The following DDAH1 variants were observed in gnomAD, a reference collection of about 807,000 sequenced individuals.
The protein encoded by DDAH1 is dimethylarginine dimethylaminohydrolase 1, also known as N(G),N(G)-dimethylarginine dimethylaminohydrolase 1.
In DDAH1, 19 loss-of-function variants were observed where a neutral mutation model predicts 28.8. The ratio of observed to expected loss-of-function variants is 0.66; its 90% CI spans 0.46 to 0.97. The LOEUF is 0.97. DDAH1 is among the 50% of genes least tolerant of loss of function. The pLI is 0.00. For synonymous variants in DDAH1, 153 were observed against 154.4 expected, an observed-to-expected ratio of 0.99 and a Z score of 0.07; for missense variants, 326 against 375.9, an observed-to-expected ratio of 0.87 and a Z score of 1.10.
intron 5 of DDAH1, among the ~76,000 whole-genome samples, chr1:85,322,661 T>C (rs768668798): frequency 9.9e-5 from 15 of 152,224 alleles, no homozygotes; most frequent in Non-Finnish European, 2.2e-4. Context: ...TTCTCTGTAA[T>C]ATTGGAATAG....
chr1:85,492,190 A>G (rs1407687477), intron 2 of DDAH1, among the ~76,000 whole-genome samples: 1 of 152,206 alleles, frequency 6.6e-6, no homozygotes, highest in African/African-American at 2.4e-5. Flanking sequence ...TGAATGTCCT[A>G]TGATGTCCTA....
In DDAH1 at chr1:85,385,996, T is replaced by G. The variant is rs547478657; in HGVS notation, c.304-27149A>C. Among the ~76,000 whole-genome samples the G allele has an allele frequency of 7.2e-5, 11 of 151,874 alleles. No individual in the cohort carries two copies. In the South Asian group the frequency reaches 2.3e-3, roughly 32 times the overall value. On this transcript the variant is annotated intron_variant, in intron 1 of 5. Coordinates refer to ENST00000284031, the MANE Select transcript of DDAH1 (RefSeq NM_012137.4). ...GCAGCTCTTGCAGGAACTAATAGAG[T>G]GAGAACTCACCCATTACCAGGAGGA...
rs1655262410 is a variant in DDAH1 at position 85,464,540 on chromosome 1, G to C, written c.303+203C>G. The C allele has an allele frequency of 6.5e-7, 1 of 1,529,922 alleles. No individual in the cohort carries two copies. Among genetic ancestry groups the C allele is most frequent in the East Asian group, 2.5e-5 (1 of 40,612 alleles). 94.8% of individuals were successfully genotyped at this position (1,529,922 alleles called of 1,614,324 possible). ...CACATTGAATCGGATCCTCCAGAAG[G>C]CTGCCGGCAGCCGGGAGGTGTGAAC... is the stretch of plus-strand genomic sequence containing the variant. On this transcript the variant is annotated intron_variant, in intron 1 of 5. Coordinates refer to ENST00000284031, the MANE Select transcript of DDAH1 (RefSeq NM_012137.4). This position sits in a 1 kb window ranked among gnomAD's most constrained non-coding sequence, Gnocchi z 4.4.
chr1:85,396,821 G>A (rs1346267465), intron 1 of DDAH1, among the ~76,000 whole-genome samples: 1 of 152,042 alleles, frequency 6.6e-6, no homozygotes, highest in African/African-American at 2.4e-5. Context: ...GATTGCTTGA[G>A]TCCGGGAGTT....
chr1:85,563,555 G>A (rs1557764525), intron 1 of DDAH1, among the ~76,000 whole-genome samples: 1 of 152,092 alleles, frequency 6.6e-6, no homozygotes, highest in African/African-American at 2.4e-5. Context: ...AAGTAACTGT[G>A]TTCCAAAACA....
intron 1 of DDAH1, among the ~76,000 whole-genome samples, chr1:85,427,945 G>A (rs969521427): frequency 5.9e-5 from 9 of 152,200 alleles, no homozygotes; most frequent in African/African-American, 2.2e-4. Flanking sequence ...ACAGGTGAGA[G>A]AAGTATAATC....
intron 1 of DDAH1, among the ~76,000 whole-genome samples, chr1:85,401,822 C>T (rs569826487): frequency 6.6e-6 from 1 of 151,918 alleles, no homozygotes; most frequent in Non-Finnish European, 1.5e-5. Context: ...CTTTTGAGCT[C>T]TTAAAATTCC....
chr1:85,464,441 C>T lies in DDAH1; in HGVS notation c.303+302G>A. The T allele has an allele frequency of 2.1e-6, 3 of 1,448,942 alleles. No individual in the cohort carries two copies. The highest frequency in any genetic ancestry group is 5.7e-5 in the East Asian group (2 of 35,132). The allele number at this position is 1,448,942 out of a possible 1,614,324, so 89.8% of individuals were successfully genotyped here. ...CTCAGAGTTGCACTGTCGTCGCTGC[C>T]GTTTAATTTTCACAAATAAAAATGC... On this transcript the variant is annotated intron_variant, in intron 1 of 5. Coordinates refer to ENST00000284031, the MANE Select transcript of DDAH1 (RefSeq NM_012137.4). This position sits in a 1 kb window ranked among gnomAD's most constrained non-coding sequence, Gnocchi z 4.4.
intron 1 of DDAH1, among the ~76,000 whole-genome samples, chr1:85,536,107 C>T (rs1490206945): frequency 6.6e-6 from 1 of 151,486 alleles, no homozygotes; most frequent in African/African-American, 2.4e-5. Flanking sequence ...CATGGTGGCA[C>T]GTGCCTGTAA....
chr1:85,464,606 A>ACACT lies in DDAH1; in HGVS notation c.303+136_303+137insAGTG. On this transcript the variant is annotated intron_variant, in intron 1 of 5. Coordinates refer to ENST00000284031, the MANE Select transcript of DDAH1 (RefSeq NM_012137.4). The surrounding 1 kb of genome is among the most constrained non-coding windows in gnomAD (Gnocchi z 4.4). ...GACTCTCTGACACACACACACACAC[A>ACACT]CACACTCGCCCCCCGACGGGAAGTT... is the stretch of plus-strand genomic sequence containing the variant. The ACACT allele has an allele frequency of 6.6e-7, 1 of 1,524,204 alleles. No individual in the cohort carries two copies. The highest frequency in any genetic ancestry group is 1.2e-5 in the South Asian group (1 of 82,618). 94.4% of individuals were successfully genotyped at this position (1,524,204 alleles called of 1,614,324 possible).
At chr1:85,328,023 A>G (rs1280468028) in intron 4 of DDAH1, among the ~76,000 whole-genome samples, 1 of 152,222 alleles carries the variant, frequency 6.6e-6, no homozygotes, top group African/African-American at 2.4e-5. Context: ...TGGGTAAACA[A>G]TTGAATTCCC....
At chr1:85,340,782 C>A (rs1181326532) in intron 4 of DDAH1, among the ~76,000 whole-genome samples, 1 of 152,114 alleles carries the variant, frequency 6.6e-6, no homozygotes, top group Non-Finnish European at 1.5e-5. Context: ...TCTGTGTTGT[C>A]CCCCACAGCC....
intron 4 of DDAH1, among the ~76,000 whole-genome samples, chr1:85,325,364 C>CGT (rs1167703180): frequency 3.3e-5 from 5 of 150,928 alleles, no homozygotes; most frequent in African/African-American, 4.8e-5. Flanking sequence ...TGCGCGCGCG[C>CGT]GCGCACACAC....
At chr1:85,557,486 C>T (rs1400163490) in intron 1 of DDAH1, among the ~76,000 whole-genome samples, 1 of 152,202 alleles carries the variant, frequency 6.6e-6, no homozygotes, top group East Asian at 1.9e-4. Flanking sequence ...TTGGACAGCT[C>T]TTAAGTGAGA....
intron 1 of DDAH1, among the ~76,000 whole-genome samples, chr1:85,559,098 G>A (rs1659069034): frequency 6.6e-6 from 1 of 152,100 alleles, no homozygotes; most frequent in African/African-American, 2.4e-5. Flanking sequence ...GTAATGAAAG[G>A]TATAAGAAAG....
intron 1 of DDAH1, among the ~76,000 whole-genome samples, chr1:85,505,040 C>G (rs1407984411): frequency 1.6e-5 from 2 of 125,868 alleles, no homozygotes; most frequent in Non-Finnish European, 3.1e-5. Context: ...GGCTGGAGTG[C>G]AATGGCGTGA....
chr1:85,503,566 T>TATCTATCC (rs1159412594), intron 1 of DDAH1, among the ~76,000 whole-genome samples: 37 of 146,516 alleles, frequency 2.5e-4, no homozygotes, highest in Middle Eastern at 7.1e-3. Flanking sequence ...TCTATCTATC[T>TATCTATCC]ATCCATCTAT....
At chr1:85,499,745 G>T (rs1009154297) in intron 1 of DDAH1, among the ~76,000 whole-genome samples, 7 of 152,196 alleles carry the variant, frequency 4.6e-5, no homozygotes, top group African/African-American at 1.4e-4. Context: ...CTTACCTAAG[G>T]TTACAGAAGT....
chr1:85,520,548 C>A (rs1180973210), intron 1 of DDAH1, among the ~76,000 whole-genome samples: 1 of 152,090 alleles, frequency 6.6e-6, no homozygotes, highest in Non-Finnish European at 1.5e-5. Flanking sequence ...CACTTATATG[C>A]AAAGTTAATA....
Sources: allele counts gnomAD v4.1 joint callset (sites outside exome capture counted in the v4.1 genomes callset), GRCh38; gene constraint gnomAD v4.1.1; non-coding constraint Gnocchi (gnomAD v3.1); transcripts MANE v1.5; gene names NCBI Gene and HGNC (gene_info 2026-07-23, HGNC 2026-07-21).